Variants in RNGTT observed in about 807,000 individuals in gnomAD.
RNGTT encodes the protein RNA guanylyltransferase and 5'-phosphatase.
Under a neutral mutation model 79.3 loss-of-function variants are expected in RNGTT, and 33 were observed. The ratio of observed to expected loss-of-function variants is 0.42; its 90% CI spans 0.32 to 0.56. The LOEUF is 0.56. Ranked by LOEUF, RNGTT falls within the 20% of genes least tolerant of loss-of-function variation. RNGTT has a pLI of 0.17. For synonymous variants in RNGTT, 222 were observed against 235.9 expected (o/e 0.94, Z 0.54); for missense variants, 497 against 739.1 (o/e 0.67, Z 3.80).
In RNGTT at chr6:88,899,266, C is replaced by T. The variant is rs137855560; in HGVS notation, c.684+5449G>A. On this transcript the variant is annotated intron_variant, in intron 6 of 15. Transcript: ENST00000369485. ...CTCCAAAAAGAGAGAAAGAAGGTTT[C>T]GGCTTTTTTTTTTTGAGACAGCCTA... is the stretch of plus-strand genomic sequence containing the variant. 3.1e-4 allele frequency among the ~76,000 whole-genome samples: 46 copies of T among 150,526 alleles called. No individual in the cohort carries two copies. The East Asian group carries it at 5.7e-3, about 19-fold the overall frequency.
chr6:88,933,093 G>T (rs1313105084), intron 2 of RNGTT, among the ~76,000 whole-genome samples: 1 of 149,304 alleles, frequency 6.7e-6, no homozygotes, highest in Non-Finnish European at 1.5e-5. Context: ...GTCCCCACAG[G>T]AAAAAAAAAG....
chr6:88,908,548 G>T (rs773556103), intron 4 of RNGTT, among the ~76,000 whole-genome samples: 4 of 152,174 alleles, frequency 2.6e-5, no homozygotes, highest in Non-Finnish European at 4.4e-5. Context: ...TAGGCACCAG[G>T]ACTGGCCCCC....
At chr6:88,625,994 T>C (rs1180011325) in intron 14 of RNGTT, among the ~76,000 whole-genome samples, 2 of 151,990 alleles carry the variant, frequency 1.3e-5, no homozygotes, top group African/African-American at 4.8e-5. Context: ...TAACTAGATG[T>C]AGAGTACTGT....
At chr6:88,696,202 C>T (rs1775658904) in intron 13 of RNGTT, among the ~76,000 whole-genome samples, 1 of 152,130 alleles carries the variant, frequency 6.6e-6, no homozygotes, top group Admixed American at 6.5e-5. Flanking sequence ...TGTCAATTAG[C>T]TTGGTTTAAT....
intron 12 of RNGTT, among the ~76,000 whole-genome samples, chr6:88,791,500 G>T (rs542489126): frequency 1.3e-5 from 2 of 152,110 alleles, no homozygotes; most frequent in Admixed American, 6.6e-5. Flanking sequence ...AACTAATACA[G>T]TAACTAGCTA....
chr6:88,765,707 T>C (rs936053714), intron 13 of RNGTT, among the ~76,000 whole-genome samples: 2 of 152,170 alleles, frequency 1.3e-5, no homozygotes, highest in African/African-American at 4.8e-5. Context: ...GATTTGGTTC[T>C]GGGCAAACTT....
intron 13 of RNGTT, among the ~76,000 whole-genome samples, chr6:88,701,102 AAGAAGAAGAAGAAAGAAG>A (rs1481947490): frequency 5.3e-5 from 8 of 152,078 alleles, no homozygotes; most frequent in East Asian, 1.9e-4. Flanking sequence ...GAAGAAGTGG[AAGAAGAAGAAGAAAGAAG>A]AGAAGAAGAA....
intron 14 of RNGTT, among the ~76,000 whole-genome samples, chr6:88,661,027 T>C (rs1294365507): frequency 6.6e-6 from 1 of 152,114 alleles, no homozygotes; most frequent in African/African-American, 2.4e-5. Context: ...CTCCAAACCA[T>C]ACAAATACAT....
intron 8 of RNGTT, 91 bp downstream of exon 8, chr6:88,890,404 C>T (rs969271177): frequency 6.3e-6 from 5 of 788,390 alleles, no homozygotes; most frequent in African/African-American, 3.5e-5. Flanking sequence ...TAGAAATTCA[C>T]ACTCTCAAGA....
chr6:88,940,978 T>C, intron 2 of RNGTT, 93 bp downstream of exon 2: 1 of 655,022 alleles, frequency 1.5e-6, no homozygotes, highest in South Asian at 2.3e-5. Flanking sequence ...TATTAATTAT[T>C]TTAAAATAAT....
chr6:88,870,774 A>G (rs892269520), intron 8 of RNGTT, among the ~76,000 whole-genome samples: 2 of 152,156 alleles, frequency 1.3e-5, no homozygotes, highest in African/African-American at 4.8e-5. Flanking sequence ...TGCTGTATAT[A>G]TGATCCCACT....
chr6:88,612,648 GCT>G lies in RNGTT; in HGVS notation c.*69_*70del. The G allele has an allele frequency of 6.9e-7, 1 of 1,447,586 alleles. No homozygotes were observed. Among genetic ancestry groups the G allele is most frequent in the Non-Finnish European group, 9.4e-7 (1 of 1,065,988 alleles). The allele number at this position is 1,447,586 out of a possible 1,614,324, so 89.7% of individuals were successfully genotyped here. On this transcript the variant is annotated 3_prime_UTR_variant, in exon 16 of 16. Transcript: ENST00000369485. Reference sequence around the variant, plus strand: ...CCACAGTCGTTTTTCAATTTCTCTGGCTACAAAAATGGGCAACAGCGTTTTTT... The same window carrying G: ...CCACAGTCGTTTTTCAATTTCTCTGGACAAAAATGGGCAACAGCGTTTTTT...
chr6:88,822,995 T>C (rs191413749), intron 11 of RNGTT, among the ~76,000 whole-genome samples: 12 of 152,186 alleles, frequency 7.9e-5, no homozygotes, highest in African/African-American at 2.4e-4. Flanking sequence ...GAATAAAACA[T>C]AGGAGAACAT....
chr6:88,900,210 C>A (rs1783402805), intron 6 of RNGTT, among the ~76,000 whole-genome samples: 1 of 150,284 alleles, frequency 6.7e-6, no homozygotes, highest in South Asian at 2.1e-4. Flanking sequence ...CCACAGGAGA[C>A]CGACATATTA....
intron 2 of RNGTT, among the ~76,000 whole-genome samples, chr6:88,937,403 TTC>T (rs1166955515): frequency 1.3e-5 from 2 of 152,178 alleles, no homozygotes; most frequent in Non-Finnish European, 2.9e-5. Flanking sequence ...AACTGTAATA[TTC>T]TCTTTCTCAT....
intron 8 of RNGTT, among the ~76,000 whole-genome samples, chr6:88,862,444 C>T (rs866844313): frequency 2.0e-5 from 3 of 152,154 alleles, no homozygotes; most frequent in Admixed American, 1.3e-4. Context: ...CCAGGGTGGA[C>T]GTGAAAGCTC....
intron 13 of RNGTT, among the ~76,000 whole-genome samples, chr6:88,724,510 C>A (rs1277572043): frequency 1.3e-5 from 2 of 152,230 alleles, no homozygotes; most frequent in South Asian, 4.1e-4. Context: ...TGATCCCCAA[C>A]CTTTTTGGCA....
intron 1 of RNGTT, among the ~76,000 whole-genome samples, chr6:88,949,006 C>G (rs1031319063): frequency 5.4e-5 from 6 of 112,084 alleles, no homozygotes; most frequent in African/African-American, 2.1e-4. Context: ...CCTAGGAAAA[C>G]CAGAGACCTT....
chr6:88,620,684 C>T (rs1373968073), intron 14 of RNGTT, among the ~76,000 whole-genome samples: 1 of 151,966 alleles, frequency 6.6e-6, no homozygotes, highest in Non-Finnish European at 1.5e-5. Flanking sequence ...GCTCTGAGTC[C>T]ACAGCTTGCA....
Sources: allele counts gnomAD v4.1 joint callset (sites outside exome capture counted in the v4.1 genomes callset), GRCh38; gene constraint gnomAD v4.1.1; transcripts MANE v1.5; gene names NCBI Gene and HGNC (gene_info 2026-07-23, HGNC 2026-07-21).